Variants in LMTK2 observed in about 807,000 individuals in gnomAD.
The protein encoded by LMTK2 is lemur tail kinase 2, also known as serine/threonine-protein kinase LMTK2.
Under a neutral mutation model 127.5 loss-of-function variants are expected in LMTK2, and 37 were observed. That is an observed-to-expected ratio of 0.29 (90% confidence interval 0.22 to 0.38). The LOEUF is 0.38. LMTK2 is among the 10% of genes least tolerant of loss of function. The probability of loss-of-function intolerance (pLI) is 1.00; values close to 1 mark genes in which losing one functional copy is unlikely to be tolerated. For missense variants in LMTK2, 1,694 were observed against 1,920.3 expected (o/e 0.88, Z 2.20); for synonymous variants, 819 against 810.1 (o/e 1.01, Z -0.19).
chr7:98,201,091 GT>G (rs1030994675), intron 11 of LMTK2, among the ~76,000 whole-genome samples: 7 of 149,992 alleles, frequency 4.7e-5, no homozygotes, highest in Non-Finnish European at 7.4e-5. Context: ...AATTCTCTTA[GT>G]TTTTTTTTCC....
chr7:98,174,231 A>G (rs1797242922), intron 7 of LMTK2, among the ~76,000 whole-genome samples: 1 of 152,070 alleles, frequency 6.6e-6, no homozygotes, highest in African/African-American at 2.4e-5. Flanking sequence ...GTTGGAATTT[A>G]GAATATTTAT....
intron 7 of LMTK2, among the ~76,000 whole-genome samples, chr7:98,179,333 G>T (rs1403860407): frequency 6.6e-6 from 1 of 152,192 alleles, no homozygotes; most frequent in Non-Finnish European, 1.5e-5. Flanking sequence ...GGCCTAGCAG[G>T]ATGCGTGCTT....
rs529228733 is a variant in LMTK2, at chr7:98,206,315, G to T, written c.*823G>T. The stretch of plus-strand genomic sequence containing the variant: ...CTCTTCTTGATGAAGCGGCTTTGCC[G>T]CAGCAAATGAGGCTTCTCTCTGAGG... On this transcript the variant is annotated 3_prime_UTR_variant, in exon 14 of 14. Transcript: ENST00000297293. 6.6e-6 allele frequency: 1 copy of T among 152,398 alleles called. No homozygotes were observed. Among genetic ancestry groups the T allele is most frequent in the South Asian group, 2.1e-4 (1 of 4,832 alleles). 9.4% of individuals were successfully genotyped at this position (152,398 alleles called of 1,614,324 possible). A position where few individuals can be genotyped will look rare whatever the true frequency, so the allele number is the denominator to read the frequency against.
chr7:98,166,079 G>A (rs1797094295), intron 6 of LMTK2, among the ~76,000 whole-genome samples: 1 of 152,274 alleles, frequency 6.6e-6, no homozygotes, highest in African/African-American at 2.4e-5. Context: ...GGGCACTACG[G>A]CCTTGGCCCT....
chr7:98,186,548 A>G (rs1481405019), intron 8 of LMTK2, among the ~76,000 whole-genome samples: 2 of 152,184 alleles, frequency 1.3e-5, no homozygotes, highest in Non-Finnish European at 2.9e-5. Context: ...AACTGGCTTC[A>G]CTGTTCAGCG....
chr7:98,171,730 A>G lies in LMTK2; in HGVS notation c.791+56A>G. 1 of 1,489,778 alleles carries G rather than the reference A, an allele frequency of 6.7e-7. No homozygotes were observed. The highest frequency in any genetic ancestry group is 2.5e-5 in the Admixed American group (1 of 40,558). 92.3% of individuals were successfully genotyped at this position (1,489,778 alleles called of 1,614,324 possible). ...ACACAGCACCGGCGGGACAGTCCAG[A>G]GAGGCTGCCGAGTTTGTGAAACTTA... is the stretch of plus-strand genomic sequence containing the variant. On this transcript the variant is annotated intron_variant, in intron 7 of 13. Coordinates refer to ENST00000297293, the MANE Select transcript of LMTK2 (RefSeq NM_014916.4). The surrounding 1 kb of genome is among the most constrained non-coding windows in gnomAD (Gnocchi z 5.1).
chr7:98,171,955 C>G lies in LMTK2; in HGVS notation c.791+281C>G, dbSNP rs1362716491. Reference sequence around the variant, plus strand: ...GCCTCAGAGTTGGGAGTAAACAGTCCCGATCCACCGTATGACACCTCGCGT... The same window carrying G: ...GCCTCAGAGTTGGGAGTAAACAGTCGCGATCCACCGTATGACACCTCGCGT... On this transcript the variant is annotated intron_variant, in intron 7 of 13. Coordinates refer to ENST00000297293, the MANE Select transcript of LMTK2 (RefSeq NM_014916.4). The surrounding 1 kb of genome is among the most constrained non-coding windows in gnomAD (Gnocchi z 5.1). Among the ~76,000 whole-genome samples, 1 of 152,184 alleles carries G rather than the reference C, an allele frequency of 6.6e-6. No homozygotes were observed. Among genetic ancestry groups the G allele is most frequent in the African/African-American group, 2.4e-5 (1 of 41,450 alleles).
rs147664658 is a variant in LMTK2 at position 98,140,083 on chromosome 7, T to C, written c.232-1314T>C. ...CACGTAAAAGGTTTCCACAACTTTC[T>C]TTCTTTCTTTCTTTCTTTCTTTCTT... On this transcript the variant is annotated intron_variant, in intron 2 of 13. Coordinates refer to ENST00000297293, the MANE Select transcript of LMTK2 (RefSeq NM_014916.4). Among the ~76,000 whole-genome samples the C allele has an allele frequency of 6.0e-3, 15 of 2,482 alleles. 3 individuals carry two copies. Among genetic ancestry groups the C allele is most frequent in the Non-Finnish European group, 0.012 (15 of 1,210 alleles). The allele number at this position is 2,482 out of a possible 152,430, so 1.6% of individuals were successfully genotyped here. A position where few individuals can be genotyped will look rare whatever the true frequency, so the allele number is the denominator to read the frequency against.
chr7:98,198,217 C>T (rs1196381506), intron 11 of LMTK2, among the ~76,000 whole-genome samples: 1 of 144,004 alleles, frequency 6.9e-6, no homozygotes, highest in East Asian at 2.0e-4. Flanking sequence ...TTTTTTGAGA[C>T]GTCTCACTCT....
intron 3 of LMTK2, among the ~76,000 whole-genome samples, chr7:98,150,961 AGT>A (rs1335535935): frequency 6.6e-5 from 10 of 152,210 alleles, no homozygotes; most frequent in African/African-American, 2.4e-4. Flanking sequence ...AGTGTATCAA[AGT>A]GTATATTTTA....
At chr7:98,186,389 G>A (rs1797434263) in intron 8 of LMTK2, among the ~76,000 whole-genome samples, 1 of 152,078 alleles carries the variant, frequency 6.6e-6, no homozygotes, top group East Asian at 1.9e-4. Context: ...CCTCACCGCA[G>A]AGGGGAGGTT....
At chr7:98,176,786 G>T (rs1797283954) in intron 7 of LMTK2, among the ~76,000 whole-genome samples, 1 of 152,190 alleles carries the variant, frequency 6.6e-6, no homozygotes, top group Non-Finnish European at 1.5e-5. Context: ...GGCAGAGGTT[G>T]CAGTGAGCTG....
chr7:98,173,187 C>A (rs866170385), intron 7 of LMTK2, among the ~76,000 whole-genome samples: 1 of 152,104 alleles, frequency 6.6e-6, no homozygotes, highest in South Asian at 2.1e-4. Context: ...GGAAAAGTAC[C>A]GTGCCTATCA....
At chr7:98,123,648 A>G (rs1353124465) in intron 1 of LMTK2, among the ~76,000 whole-genome samples, 1 of 152,024 alleles carries the variant, frequency 6.6e-6, no homozygotes, top group Non-Finnish European at 1.5e-5. Context: ...TGGATGCACA[A>G]TGGGCCCTTT....
intron 13 of LMTK2, 123 bp from the exon 14 acceptor site, chr7:98,205,341 C>A: frequency 8.8e-7 from 1 of 1,139,270 alleles, no homozygotes. Flanking sequence ...GCGGCTCAGG[C>A]GGTGCTGGGC....
chr7:98,193,672 C>T lies in LMTK2; in HGVS notation c.3207C>T (p.Pro1069=), dbSNP rs1797574730. 6.2e-7 allele frequency: 1 copy of T among 1,613,930 alleles called. No individual in the cohort carries two copies. The highest frequency in any genetic ancestry group is 1.6e-4 in the Middle Eastern group (1 of 6,062). Residue 1069 remains proline, a synonymous_variant, in exon 11 of 14, where the codon CCC becomes CCT. Transcript: ENST00000297293. The surrounding 1 kb of genome is among the most constrained non-coding windows in gnomAD (Gnocchi z 4.1). The part of the protein sequence containing the change: ...TGDGGHSGLP[P]NPVIVISDAG... ...ATGGCGGCCACAGCGGTCTGCCTCC[C>T]AACCCGGTCATTGTCATCTCAGATG... is the stretch of plus-strand genomic sequence containing the variant.
intron 7 of LMTK2, among the ~76,000 whole-genome samples, chr7:98,174,516 A>G (rs926551667): frequency 2.6e-5 from 4 of 152,158 alleles, no homozygotes; most frequent in African/African-American, 9.7e-5. Flanking sequence ...GGAGCCCAGG[A>G]CTTCCTGTCC....
intron 5 of LMTK2, among the ~76,000 whole-genome samples, chr7:98,157,389 C>T (rs1333278499): frequency 6.6e-6 from 1 of 151,948 alleles, no homozygotes; most frequent in African/African-American, 2.4e-5. Flanking sequence ...TAATATTTGA[C>T]CAAATACCTG....
At chr7:98,143,442 A>G (rs1170585751) in intron 3 of LMTK2, among the ~76,000 whole-genome samples, 3 of 152,274 alleles carry the variant, frequency 2.0e-5, no homozygotes, top group African/African-American at 4.8e-5. Flanking sequence ...AAAAACGGTT[A>G]CATATCAAGA....
Sources: gnomAD v4.1 joint callset for allele counts (sites outside exome capture counted in the v4.1 genomes callset) on GRCh38, gnomAD v4.1.1 for gene constraint, Gnocchi (gnomAD v3.1) non-coding constraint, MANE v1.5 for transcripts, NCBI Gene and HGNC (gene_info 2026-07-23, HGNC 2026-07-21) for gene names.